CDC42: variants seen among roughly 807,000 people sequenced by gnomAD.
The protein encoded by CDC42 is cell division control protein 42 homolog.
In CDC42, 1 loss-of-function variant was observed where a neutral mutation model predicts 20.8. The ratio of observed to expected loss-of-function variants is 0.05; its 90% confidence interval spans 0.02 to 0.23. CDC42 has a LOEUF of 0.23. Among genes scored for constraint, CDC42 ranks in the 10% least tolerant of loss-of-function variants. The pLI, the probability that CDC42 is intolerant of heterozygous loss-of-function variation, is 1.00. For missense variants in CDC42, 49 were observed against 227.9 expected, an observed-to-expected ratio of 0.21 and a Z score of 5.05; for synonymous variants, 72 against 84.8, an observed-to-expected ratio of 0.85 and a Z score of 0.83.
Position 22,098,420 on chromosome 1 carries a change from C to G in CDC42, c.*6903C>G, listed in dbSNP as rs1363367342. Among the ~76,000 whole-genome samples, 1 of 152,024 alleles carries G rather than the reference C, an allele frequency of 6.6e-6. No homozygotes were observed. The highest frequency in any genetic ancestry group is 1.5e-5 in the Non-Finnish European group (1 of 68,014). On this transcript the variant is annotated 3_prime_UTR_variant, in exon 6 of 6. Transcript: ENST00000656825. ...AATCAATCTAATTTCTAAAAGATTCCCAGATAGAACTTTGTTGAGCTATGT... is the reference window on the plus strand; with the variant it reads ...AATCAATCTAATTTCTAAAAGATTCGCAGATAGAACTTTGTTGAGCTATGT...
rs1645723527 is a variant in CDC42 at position 22,091,989 on chromosome 1, CT to C, written c.*474del. ...GTGTGTGTGGGGTTTGTTTTTTAGT[CT>C]TGTTTTTTTAATTCATTAACCAGTG... On this transcript the variant is annotated 3_prime_UTR_variant, in exon 6 of 6. Coordinates refer to ENST00000656825, the MANE Select transcript of CDC42 (RefSeq NM_001791.4). The C allele has an allele frequency of 6.6e-6, 1 of 150,692 alleles. No homozygotes were observed. The highest frequency in any genetic ancestry group is 1.5e-5 in the Non-Finnish European group (1 of 67,706). The allele number at this position is 150,692 out of a possible 1,614,324, so 9.3% of individuals were successfully genotyped here. A position where few individuals can be genotyped will look rare whatever the true frequency, so the allele number is the denominator to read the frequency against.
intron 1 of CDC42, chr1:22,053,301 G>T (rs1039540657): frequency 1.3e-5 from 2 of 151,770 alleles, no homozygotes; most frequent in African/African-American, 4.8e-5. Context: ...TGCGGCCGCG[G>T]CGGGGCGGTG....
At chr1:22,058,374 C>G (rs576498591) in intron 1 of CDC42, among the ~76,000 whole-genome samples, 1 of 152,276 alleles carries the variant, frequency 6.6e-6, no homozygotes, top group Admixed American at 6.5e-5. Context: ...GGATCATAAT[C>G]TGAAAATGAA....
At chr1:22,083,274 A>G (rs981886955) in intron 3 of CDC42, among the ~76,000 whole-genome samples, 3 of 152,094 alleles carry the variant, frequency 2.0e-5, no homozygotes, top group Non-Finnish European at 4.4e-5. Context: ...TCTGGCGAGT[A>G]CTTTTGAAAG....
In CDC42 at chr1:22,081,810, C is replaced by CT; in HGVS notation, c.178+20dup. On this transcript the variant is annotated intron_variant, in intron 3 of 5. Coordinates refer to ENST00000656825, the MANE Select transcript of CDC42 (RefSeq NM_001791.4). ...GATACTGCAGGTGAAAACTTAATGT[C>CT]TTTTATACTGTTTTGATCTTTAACA... 8 of 1,514,698 alleles carry CT rather than the reference C, an allele frequency of 5.3e-6. No individual in the cohort carries two copies. The highest frequency in any genetic ancestry group is 7.3e-6 in the Non-Finnish European group (8 of 1,091,566). 93.8% of individuals were successfully genotyped at this position (1,514,698 alleles called of 1,614,324 possible).
rs1645739525 is a variant in CDC42, at chr1:22,094,057, G to A, written c.*2540G>A. Reference sequence around the variant, plus strand: ...CATGTCAGAAGAACTTGGGTAGCAAGTGGATGCAGCTTAGGTTTTCCATTT... The same window carrying A: ...CATGTCAGAAGAACTTGGGTAGCAAATGGATGCAGCTTAGGTTTTCCATTT... On this transcript the variant is annotated 3_prime_UTR_variant, in exon 6 of 6. Transcript: ENST00000656825. Among the ~76,000 whole-genome samples the A allele has an allele frequency of 6.6e-6, 1 of 152,150 alleles. No homozygotes were observed. The highest frequency in any genetic ancestry group is 2.4e-5 in the African/African-American group (1 of 41,420).
In CDC42 at chr1:22,091,685, C is replaced by T. The variant is rs1645716610; in HGVS notation, c.*168C>T. On this transcript the variant is annotated 3_prime_UTR_variant, in exon 6 of 6. Coordinates refer to ENST00000656825, the MANE Select transcript of CDC42 (RefSeq NM_001791.4). The stretch of plus-strand genomic sequence containing the variant: ...AGACAAGGCCCATAGGTATGGCCCC[C>T]CCCTTCCCCCTCCCAGTACTAGTTA... 5 of 413,346 alleles carry T rather than the reference C, an allele frequency of 1.2e-5. No individual in the cohort carries two copies. The highest frequency in any genetic ancestry group is 2.1e-5 in the Non-Finnish European group (5 of 232,562). 25.6% of individuals were successfully genotyped at this position (413,346 alleles called of 1,614,324 possible). A position where few individuals can be genotyped will look rare whatever the true frequency, so the allele number is the denominator to read the frequency against.
chr1:22,093,932 A>G lies in CDC42; in HGVS notation c.*2415A>G, dbSNP rs1380680249. Among the ~76,000 whole-genome samples, 1 of 152,258 alleles carries G rather than the reference A, an allele frequency of 6.6e-6. No homozygotes were observed. Among genetic ancestry groups the G allele is most frequent in the Non-Finnish European group, 1.5e-5 (1 of 68,044 alleles). The stretch of plus-strand genomic sequence containing the variant: ...ATGAGTAAGTGAAATAAAGCAGGTC[A>G]TACAGTTGTGTCAACGAATTATCCG... On this transcript the variant is annotated 3_prime_UTR_variant, in exon 6 of 6. Coordinates refer to ENST00000656825, the MANE Select transcript of CDC42 (RefSeq NM_001791.4).
intron 1 of CDC42, among the ~76,000 whole-genome samples, chr1:22,069,311 G>A (rs1645458040): frequency 6.6e-6 from 1 of 151,418 alleles, no homozygotes; most frequent in South Asian, 2.1e-4. Flanking sequence ...AAATAGCTGG[G>A]ACTACAGGTG....
chr1:22,086,296 A>T (rs1645661912), intron 3 of CDC42, 143 bp from the exon 4 acceptor site: 1 of 566,506 alleles, frequency 1.8e-6, no homozygotes, highest in Non-Finnish European at 3.2e-6. Flanking sequence ...GATTGAGAAT[A>T]TTGCCCACAT....
In CDC42 at chr1:22,093,571, T is replaced by G. The variant is rs149174056; in HGVS notation, c.*2054T>G. Reference sequence around the variant, plus strand: ...TTAAAATCAGTTAAGGTTGGTACACTGTGGCCTCATTTTGATAGTTCTCTG... The same window carrying G: ...TTAAAATCAGTTAAGGTTGGTACACGGTGGCCTCATTTTGATAGTTCTCTG... On this transcript the variant is annotated 3_prime_UTR_variant, in exon 6 of 6. Coordinates refer to ENST00000656825, the MANE Select transcript of CDC42 (RefSeq NM_001791.4). 3.7e-4 allele frequency among the ~76,000 whole-genome samples: 57 copies of G among 152,360 alleles called. No homozygotes were observed. Among genetic ancestry groups the G allele is most frequent in the African/African-American group, 1.3e-3 (52 of 41,570 alleles).
chr1:22,085,180 C>A (rs1199178223), intron 3 of CDC42, among the ~76,000 whole-genome samples: 2 of 142,804 alleles, frequency 1.4e-5, no homozygotes, highest in Middle Eastern at 7.9e-3. Flanking sequence ...TGCAGTGAGC[C>A]GAGATTGTGC....
intron 3 of CDC42, among the ~76,000 whole-genome samples, chr1:22,085,094 C>T (rs559383231): frequency 5.1e-4 from 78 of 151,836 alleles, no homozygotes; most frequent in Non-Finnish European, 9.0e-4. Context: ...TAGCCTGGTG[C>T]GGTGGTGTGT....
intron 5 of CDC42, 55 bp downstream of exon 5, chr1:22,086,921 A>G: frequency 7.0e-7 from 1 of 1,422,924 alleles, no homozygotes; most frequent in Non-Finnish European, 9.9e-7. Flanking sequence ...TTATTAGAGC[A>G]TTAGGATACA....
chr1:22,075,904 G>A (rs1047783292), intron 1 of CDC42, among the ~76,000 whole-genome samples: 3 of 152,152 alleles, frequency 2.0e-5, no homozygotes, highest in African/African-American at 7.2e-5. Flanking sequence ...AGAAGTGGAA[G>A]ATTTGTGGGT....
rs1645754594 is a variant in CDC42, at chr1:22,095,875, T to G, written c.*4358T>G. On this transcript the variant is annotated 3_prime_UTR_variant, in exon 6 of 6. Transcript: ENST00000656825. ...GGCAAGGGAAAGCGCATTTACACTTTCTCGTATTCCATTGCCCAGAGATGG... is the reference window on the plus strand; with the variant it reads ...GGCAAGGGAAAGCGCATTTACACTTGCTCGTATTCCATTGCCCAGAGATGG... 6.6e-6 allele frequency among the ~76,000 whole-genome samples: 1 copy of G among 152,222 alleles called. No individual in the cohort carries two copies. Among genetic ancestry groups the G allele is most frequent in the Admixed American group, 6.5e-5 (1 of 15,280 alleles).
chr1:22,090,405 T>G, intron 5 of CDC42: 1 of 1,001,924 alleles, frequency 1.0e-6, no homozygotes, highest in African/African-American at 1.7e-5. Context: ...ACAAACATCA[T>G]TTTACTCTTA....
intron 1 of CDC42, among the ~76,000 whole-genome samples, chr1:22,062,784 C>A (rs1186635493): frequency 6.9e-6 from 1 of 145,072 alleles, no homozygotes; most frequent in Non-Finnish European, 1.5e-5. Flanking sequence ...CCGAACTTAT[C>A]CATTTGTCTA....
chr1:22,082,077 C>T (rs754911082), intron 3 of CDC42, among the ~76,000 whole-genome samples: 6 of 152,172 alleles, frequency 3.9e-5, no homozygotes, highest in Middle Eastern at 3.4e-3. Flanking sequence ...AATCCTGATG[C>T]GTGCACCTTG....
Sources: gnomAD v4.1 joint callset for allele counts (sites outside exome capture counted in the v4.1 genomes callset) on GRCh38, gnomAD v4.1.1 for gene constraint, MANE v1.5 for transcripts, NCBI Gene and HGNC (gene_info 2026-07-23, HGNC 2026-07-21) for gene names.